The following TNR variants were observed in gnomAD, a reference collection of about 807,000 sequenced individuals.
TNR encodes tenascin R, also known as tenascin-R.
A neutral mutation model predicts 150.4 loss-of-function variants in TNR; 45 were observed. The observed-to-expected ratio is 0.30, with a 90% CI of 0.24 to 0.38. TNR has a LOEUF of 0.38. Among genes scored for constraint, TNR ranks in the 10% least tolerant of loss-of-function variants. The probability of loss-of-function intolerance (pLI) is 1.00; values close to 1 mark genes in which losing one functional copy is unlikely to be tolerated. For synonymous variants in TNR, 687 were observed against 678.4 expected, an observed-to-expected ratio of 1.01 and a Z score of -0.20; for missense variants, 1,544 against 1,759.1, an observed-to-expected ratio of 0.88 and a Z score of 2.19.
intron 1 of TNR, among the ~76,000 whole-genome samples, chr1:175,684,628 A>G (rs1666135291): frequency 6.6e-6 from 1 of 152,200 alleles, no homozygotes; most frequent in African/African-American, 2.4e-5. Context: ...CCCTGCCACA[A>G]TCCAAAGAGA....
At chr1:175,674,509 C>A (rs531386621) in intron 1 of TNR, among the ~76,000 whole-genome samples, 1 of 152,232 alleles carries the variant, frequency 6.6e-6, no homozygotes, top group Non-Finnish European at 1.5e-5. Context: ...TGCACATGTG[C>A]ACATGAATGT....
chr1:175,392,223 C>T lies in TNR; in HGVS notation c.1357-785G>A, dbSNP rs1002964385. ...CCCTCTCTCTCTTTCCCTCCATATA[C>T]TTTCTATGAGTGTCCTTAGAAATGG... On this transcript the variant is annotated intron_variant, in intron 6 of 22. Coordinates refer to ENST00000367674, the MANE Select transcript of TNR (RefSeq NM_003285.3). Among the ~76,000 whole-genome samples, 3 of 152,122 alleles carry T rather than the reference C, an allele frequency of 2.0e-5. No homozygotes were observed. In the South Asian group the frequency reaches 6.2e-4, roughly 32 times the overall value.
In TNR at chr1:175,717,954, A is replaced by G. The variant is rs556800558; in HGVS notation, c.-165+25272T>C. ...CAAGTGCTCTCAGAACCAGCACTCCAGGGACAAGGACTGAGCCTGGAGATT... is the reference window on the plus strand; with the variant it reads ...CAAGTGCTCTCAGAACCAGCACTCCGGGGACAAGGACTGAGCCTGGAGATT... On this transcript the variant is annotated intron_variant, in intron 1 of 22. Transcript: ENST00000367674. 7.2e-5 allele frequency among the ~76,000 whole-genome samples: 11 copies of G among 152,346 alleles called. No homozygotes were observed. The East Asian group carries it at 2.1e-3, about 29-fold the overall frequency.
intron 1 of TNR, among the ~76,000 whole-genome samples, chr1:175,682,381 C>G (rs372086048): frequency 7.9e-4 from 120 of 152,316 alleles, no homozygotes; most frequent in African/African-American, 2.8e-3. Context: ...AGACGCCGCT[C>G]AGAGAGGCGA....
chr1:175,337,114 C>T (rs998738349), intron 19 of TNR, among the ~76,000 whole-genome samples: 3 of 152,118 alleles, frequency 2.0e-5, no homozygotes, highest in Non-Finnish European at 2.9e-5. Flanking sequence ...AGGCTGGTCT[C>T]GAACTCCTGG....
chr1:175,417,069 A>AAGAAAGAAAGAAAGAAAGAAAGAG (rs1557920330), intron 2 of TNR, among the ~76,000 whole-genome samples: 2 of 139,510 alleles, frequency 1.4e-5, no homozygotes. Flanking sequence ...GAAAGAAAGA[A>AAGAAAGAAAGAAAGAAAGAAAGAG]AGAAAGAAAT....
rs532038592 is a variant in TNR, at chr1:175,699,429, GC to G, written c.-165+43796del. Among the ~76,000 whole-genome samples, 146 of 152,242 alleles carry G rather than the reference GC, an allele frequency of 9.6e-4. 1 individual carries two copies. The highest frequency in any genetic ancestry group is 3.5e-3 in the African/African-American group (144 of 41,542). Reference sequence around the variant, plus strand: ...TTTGTTCCTCTAGCCATTTTCAGTTGCATTCGTGTCAGTATGGAGTAGGTGC... The same window carrying G: ...TTTGTTCCTCTAGCCATTTTCAGTTGATTCGTGTCAGTATGGAGTAGGTGC... On this transcript the variant is annotated intron_variant, in intron 1 of 22. Transcript: ENST00000367674.
At chr1:175,531,064 G>C (rs971179984) in intron 1 of TNR, among the ~76,000 whole-genome samples, 1 of 152,164 alleles carries the variant, frequency 6.6e-6, no homozygotes, top group African/African-American at 2.4e-5. Context: ...AAGTGATTTA[G>C]AGGAATAGAA....
intron 2 of TNR, among the ~76,000 whole-genome samples, chr1:175,474,546 C>G (rs1225204591): frequency 6.6e-6 from 1 of 152,220 alleles, no homozygotes; most frequent in East Asian, 1.9e-4. Flanking sequence ...GCAGCCTGAG[C>G]AAACTAGCAC....
At chr1:175,695,922 AT>A (rs1666501351) in intron 1 of TNR, among the ~76,000 whole-genome samples, 1 of 152,174 alleles carries the variant, frequency 6.6e-6, no homozygotes, top group Non-Finnish European at 1.5e-5. Context: ...CAATATAGTC[AT>A]TGAATACATA....
rs1648950114 is a variant in TNR, at chr1:175,319,834, T to G, written c.*3523A>C. 1 of 152,232 alleles carries G rather than the reference T, an allele frequency of 6.6e-6. No homozygotes were observed. Among genetic ancestry groups the G allele is most frequent in the Non-Finnish European group, 1.5e-5 (1 of 68,040 alleles). 9.4% of individuals were successfully genotyped at this position (152,232 alleles called of 1,614,324 possible). A position where few individuals can be genotyped will look rare whatever the true frequency, so the allele number is the denominator to read the frequency against. ...GGTGACTGCCACCTTGTGGCCACAC[T>G]TAGCAAGTCCCCTTCCACCAGTTCA... On this transcript the variant is annotated 3_prime_UTR_variant, in exon 23 of 23. Transcript: ENST00000367674.
At chr1:175,732,445 T>C (rs1667669642) in intron 1 of TNR, among the ~76,000 whole-genome samples, 1 of 152,214 alleles carries the variant, frequency 6.6e-6, no homozygotes, top group African/African-American at 2.4e-5. Flanking sequence ...GGACCTGGAT[T>C]CTTTTCTCAT....
At chr1:175,529,514 A>G (rs1249779490) in intron 1 of TNR, among the ~76,000 whole-genome samples, 1 of 152,188 alleles carries the variant, frequency 6.6e-6, no homozygotes, top group Non-Finnish European at 1.5e-5. Flanking sequence ...CATCACAGGG[A>G]AAGAACTGGT....
intron 2 of TNR, among the ~76,000 whole-genome samples, chr1:175,446,563 A>G (rs765381437): frequency 3.3e-5 from 5 of 152,210 alleles, no homozygotes; most frequent in Non-Finnish European, 5.9e-5. Context: ...CCATCGACAG[A>G]TATGTACAAA....
At chr1:175,613,191 G>A (rs796290765) in intron 1 of TNR, among the ~76,000 whole-genome samples, 1 of 152,082 alleles carries the variant, frequency 6.6e-6, no homozygotes, top group Non-Finnish European at 1.5e-5. Flanking sequence ...GTGCTACAGG[G>A]CAAAGACATA....
At chr1:175,603,774 G>T (rs1327990908) in intron 1 of TNR, among the ~76,000 whole-genome samples, 1 of 152,238 alleles carries the variant, frequency 6.6e-6, no homozygotes, top group East Asian at 1.9e-4. Context: ...GGCCTGGAGG[G>T]GGCAGGTCAG....
chr1:175,559,903 T>C (rs1460764347), intron 1 of TNR, among the ~76,000 whole-genome samples: 1 of 152,204 alleles, frequency 6.6e-6, no homozygotes, highest in Non-Finnish European at 1.5e-5. Context: ...CTGAGATGAC[T>C]CATCATTGTA....
intron 1 of TNR, among the ~76,000 whole-genome samples, chr1:175,642,333 G>T (rs1465997672): frequency 6.6e-6 from 1 of 152,216 alleles, no homozygotes; most frequent in Admixed American, 6.5e-5. Flanking sequence ...AAGCTAGGAA[G>T]CATGAAACTG....
chr1:175,469,761 C>T (rs151004306), intron 2 of TNR, among the ~76,000 whole-genome samples: 4 of 151,876 alleles, frequency 2.6e-5, no homozygotes, highest in Admixed American at 2.6e-4. Context: ...ATATGGGAGA[C>T]CTGGGTTTTA....
Sources: gnomAD v4.1 joint callset for allele counts (sites outside exome capture counted in the v4.1 genomes callset) on GRCh38, gnomAD v4.1.1 for gene constraint, MANE v1.5 for transcripts, NCBI Gene and HGNC (gene_info 2026-07-23, HGNC 2026-07-21) for gene names.